Variants in PIK3C3 observed in about 807,000 individuals in gnomAD.
PIK3C3 encodes the protein phosphatidylinositol 3-kinase catalytic subunit type 3, also known as PI3-kinase type 3.
In PIK3C3, 95 loss-of-function variants were observed where a neutral mutation model predicts 126.1. The observed-to-expected ratio is 0.75, with a 90% CI of 0.64 to 0.89. The LOEUF (loss-of-function observed/expected upper bound fraction) is 0.89. PIK3C3 is among the 40% of genes least tolerant of loss of function. The pLI, the probability that PIK3C3 is intolerant of heterozygous loss-of-function variation, is 0.00. For missense variants in PIK3C3, 829 were observed against 1,063.2 expected, an observed-to-expected ratio of 0.78 and a Z score of 3.06; for synonymous variants, 374 against 360.0, an observed-to-expected ratio of 1.04 and a Z score of -0.44.
chr18:42,077,483 T>C (rs1179870160), intron 24 of PIK3C3, among the ~76,000 whole-genome samples: 1 of 152,238 alleles, frequency 6.6e-6, no homozygotes, highest in African/African-American at 2.4e-5. Context: ...ATTTCAACAA[T>C]GTTCAAAGCA....
intron 4 of PIK3C3, among the ~76,000 whole-genome samples, chr18:41,974,096 A>T (rs1409108204): frequency 6.6e-6 from 1 of 152,202 alleles, no homozygotes; most frequent in Non-Finnish European, 1.5e-5. Context: ...GAGTTTACTC[A>T]CTTATAGAAC....
chr18:42,029,758 G>A lies in PIK3C3; in HGVS notation c.1707+317G>A, dbSNP rs533050686. 2.4e-3 allele frequency among the ~76,000 whole-genome samples: 367 copies of A among 151,648 alleles called. 2 individuals carry two copies. Among genetic ancestry groups the A allele is most frequent in the African/African-American group, 8.6e-3 (356 of 41,326 alleles). On this transcript the variant is annotated intron_variant, in intron 15 of 24. Transcript: ENST00000262039. The stretch of plus-strand genomic sequence containing the variant: ...AGGTTTCACCATGTTGGTCAGGCTG[G>A]TCTCAAACTCCTGACCGTAGGTGAT...
intron 23 of PIK3C3, among the ~76,000 whole-genome samples, chr18:42,067,120 T>G (rs542770969): frequency 6.6e-6 from 1 of 152,174 alleles, no homozygotes; most frequent in Non-Finnish European, 1.5e-5. Flanking sequence ...TTTTGAGATG[T>G]AGGGCCCTAA....
chr18:41,956,247 T>A (rs1390746797), intron 1 of PIK3C3, among the ~76,000 whole-genome samples: 2 of 152,236 alleles, frequency 1.3e-5, no homozygotes, highest in Non-Finnish European at 2.9e-5. Context: ...CTGATGTACC[T>A]TTGAATGATC....
At chr18:42,029,726 A>G (rs1567991096) in intron 15 of PIK3C3, among the ~76,000 whole-genome samples, 1 of 151,580 alleles carries the variant, frequency 6.6e-6, no homozygotes, top group East Asian at 1.9e-4. Flanking sequence ...TATTTTTAGT[A>G]GAGATGAGGT....
chr18:42,056,708 A>G (rs913000718), intron 21 of PIK3C3, among the ~76,000 whole-genome samples: 13 of 152,138 alleles, frequency 8.5e-5, no homozygotes, highest in African/African-American at 3.1e-4. Context: ...GCTTAGTTGA[A>G]CAGAGAACAC....
intron 2 of PIK3C3, among the ~76,000 whole-genome samples, chr18:41,961,739 AG>A (rs1980096100): frequency 6.6e-6 from 1 of 152,182 alleles, no homozygotes; most frequent in Admixed American, 6.5e-5. Context: ...CCTCTTGAAG[AG>A]GGTTGAAATT....
intron 21 of PIK3C3, 148 bp downstream of exon 21, chr18:42,049,753 C>A (rs900147999): frequency 8.8e-6 from 5 of 570,042 alleles, no homozygotes; most frequent in African/African-American, 7.5e-5. Context: ...GCGGGTGGAT[C>A]ACCTGAGGTT....
chr18:41,976,651 T>C (rs1035608081), intron 4 of PIK3C3, among the ~76,000 whole-genome samples: 1 of 152,176 alleles, frequency 6.6e-6, no homozygotes, highest in African/African-American at 2.4e-5. Context: ...TATATCTGTT[T>C]TTGGAGATTA....
chr18:42,056,959 G>C (rs2144503729), intron 21 of PIK3C3, among the ~76,000 whole-genome samples: 1 of 151,280 alleles, frequency 6.6e-6, no homozygotes. Flanking sequence ...CCCAAAATCA[G>C]TTTCATTGTA....
intron 18 of PIK3C3, among the ~76,000 whole-genome samples, chr18:42,040,057 C>CTT (rs527830102): frequency 6.8e-6 from 1 of 146,168 alleles, no homozygotes; most frequent in Non-Finnish European, 1.5e-5. Flanking sequence ...CTTCATCCAA[C>CTT]TTTTTTTTTT....
At chr18:41,982,439 G>A (rs1981254228) in intron 4 of PIK3C3, among the ~76,000 whole-genome samples, 2 of 152,096 alleles carry the variant, frequency 1.3e-5, no homozygotes. Context: ...ATTTCAGGTG[G>A]TTAAGTTAAA....
At position 42,079,228 on chromosome 18, in the gene PIK3C3, G is replaced by A. The variant is rs556512703; in HGVS notation, c.2650-1895G>A. ...TTGATCACCTAGAGGCCCTGATAGC[G>A]TTCTTAATTGGCCTAATTTCCATAT... On this transcript the variant is annotated intron_variant, in intron 24 of 24. Coordinates refer to ENST00000262039, the MANE Select transcript of PIK3C3 (RefSeq NM_002647.4). Among the ~76,000 whole-genome samples the A allele has an allele frequency of 1.4e-4, 21 of 152,232 alleles. No homozygotes were observed. The East Asian group carries it at 1.7e-3, about 13-fold the overall frequency.
intron 24 of PIK3C3, among the ~76,000 whole-genome samples, chr18:42,080,002 T>C (rs201203360): frequency 7.6e-6 from 1 of 130,824 alleles, no homozygotes; most frequent in African/African-American, 2.7e-5. Context: ...AGAGAGAGTG[T>C]GTGTGTGTGT....
chr18:42,041,370 C>T (rs1242703211), intron 19 of PIK3C3, among the ~76,000 whole-genome samples: 2 of 151,894 alleles, frequency 1.3e-5, no homozygotes, highest in African/African-American at 2.4e-5. Context: ...TATTGTTGCT[C>T]ATCTGTCTTT....
At chr18:42,024,974 T>C (rs560343619) in intron 13 of PIK3C3, among the ~76,000 whole-genome samples, 1 of 151,996 alleles carries the variant, frequency 6.6e-6, no homozygotes, top group South Asian at 2.1e-4. Context: ...CGGCTAATTT[T>C]TTTGTATTTT....
Position 42,005,849 on chromosome 18 carries a change from A to G in PIK3C3, c.1170+1308A>G, listed in dbSNP as rs555062411. On this transcript the variant is annotated intron_variant, in intron 10 of 24. Coordinates refer to ENST00000262039, the MANE Select transcript of PIK3C3 (RefSeq NM_002647.4). The stretch of plus-strand genomic sequence containing the variant: ...TATAATGAACCCCAACAAATAATTC[A>G]TCTGTCTTCAGCAGTTGCCAATTTA... Among the ~76,000 whole-genome samples the G allele has an allele frequency of 4.7e-3, 712 of 151,268 alleles. 9 individuals carry two copies. The highest frequency in any genetic ancestry group is 7.9e-3 in the Non-Finnish European group (536 of 67,932).
At chr18:42,032,796 A>G (rs1983890199) in intron 15 of PIK3C3, among the ~76,000 whole-genome samples, 1 of 152,254 alleles carries the variant, frequency 6.6e-6, no homozygotes, top group Admixed American at 6.5e-5. Flanking sequence ...TTTTTGTAAC[A>G]CTTATGTAGA....
rs1406676915 is a variant in PIK3C3, at chr18:42,085,197, T to C, written c.*4060T>C. The C allele has an allele frequency of 2.0e-5, 3 of 152,170 alleles. No individual in the cohort carries two copies. Among genetic ancestry groups the C allele is most frequent in the African/African-American group, 7.2e-5 (3 of 41,452 alleles). The allele number at this position is 152,170 out of a possible 1,614,324, so 9.4% of individuals were successfully genotyped here. A position where few individuals can be genotyped will look rare whatever the true frequency, so the allele number is the denominator to read the frequency against. On this transcript the variant is annotated 3_prime_UTR_variant, in exon 25 of 25. Coordinates refer to ENST00000262039, the MANE Select transcript of PIK3C3 (RefSeq NM_002647.4). ...ACTGGTAAGTGAAAGTTCATTTTGT[T>C]CAGTGCTATGGGCTGGTACATTGCA...
Sources: gnomAD v4.1 joint callset for allele counts (sites outside exome capture counted in the v4.1 genomes callset) on GRCh38, gnomAD v4.1.1 for gene constraint, MANE v1.5 for transcripts, NCBI Gene and HGNC (gene_info 2026-07-23, HGNC 2026-07-21) for gene names.